The following LRCH3 variants were observed in gnomAD, a reference collection of about 807,000 sequenced individuals.
LRCH3 encodes DISP complex protein LRCH3.
Under a neutral mutation model 104.5 loss-of-function variants are expected in LRCH3, and 68 were observed. The ratio of observed to expected loss-of-function variants is 0.65; its 90% CI spans 0.54 to 0.80. LRCH3 has a LOEUF of 0.80. Among genes scored for constraint, LRCH3 ranks in the 30% least tolerant of loss-of-function variants. LRCH3 has a pLI of 0.00. For missense variants in LRCH3, 951 were observed against 953.9 expected (o/e 1.00, Z 0.04); for synonymous variants, 344 against 361.3 (o/e 0.95, Z 0.54).
At chr3:197,831,380 T>A (rs1039292939) in intron 7 of LRCH3, 2 of 152,190 alleles carry the variant, frequency 1.3e-5, no homozygotes, top group African/African-American at 4.8e-5. Context: ...AGTAAAAAAA[T>A]AAATAAAAAT....
chr3:197,862,864 C>T (rs1046080797), intron 15 of LRCH3, among the ~76,000 whole-genome samples: 1 of 152,214 alleles, frequency 6.6e-6, no homozygotes, highest in Non-Finnish European at 1.5e-5. Flanking sequence ...CACTGCCTTA[C>T]GAGCTCAGCT....
chr3:197,857,463 C>T lies in LRCH3; in HGVS notation c.1645-1371C>T, dbSNP rs533626662. Among the ~76,000 whole-genome samples the T allele has an allele frequency of 1.8e-4, 26 of 146,542 alleles. 1 individual carries two copies. Among genetic ancestry groups the T allele is most frequent in the African/African-American group, 5.6e-4 (22 of 39,490 alleles). On this transcript the variant is annotated intron_variant, in intron 14 of 20. Transcript: ENST00000425562. The stretch of plus-strand genomic sequence containing the variant: ...TAATATCAGTTTACACTGACATTGT[C>T]TTCGTTCTGCCCCTCAAGCTCCTGC...
intron 14 of LRCH3, among the ~76,000 whole-genome samples, chr3:197,855,223 C>T (rs1382308273): frequency 2.6e-5 from 4 of 152,210 alleles, no homozygotes; most frequent in Admixed American, 6.5e-5. Context: ...CATCAGCTTC[C>T]GTGGTCTGTT....
At chr3:197,805,844 C>T (rs1316208254) in intron 1 of LRCH3, among the ~76,000 whole-genome samples, 1 of 152,096 alleles carries the variant, frequency 6.6e-6, no homozygotes, top group African/African-American at 2.4e-5. Context: ...AATGAAACAG[C>T]CAGGTCCCTA....
chr3:197,877,444 C>T (rs1255185021), intron 20 of LRCH3, among the ~76,000 whole-genome samples: 2 of 44,628 alleles, frequency 4.5e-5, no homozygotes, highest in Non-Finnish European at 8.3e-5. Context: ...CCCAACTCAC[C>T]GCACCCATGG....
In LRCH3 at chr3:197,809,768, TTTG is replaced by T. The variant is rs201594413; in HGVS notation, c.263-5124_263-5122del. Among the ~76,000 whole-genome samples the T allele has an allele frequency of 4.3e-4, 66 of 152,200 alleles. No homozygotes were observed. The Middle Eastern group carries it at 0.014, about 31-fold the overall frequency. Reference sequence around the variant, plus strand: ...TCTTCTTTCTTGAGACCTTCTGTTTTTTGTTGTTGTTGTTGTTGAGGCTTTCTG... The same window carrying T: ...TCTTCTTTCTTGAGACCTTCTGTTTTTTGTTGTTGTTGTTGAGGCTTTCTG... On this transcript the variant is annotated intron_variant, in intron 1 of 20. Transcript: ENST00000425562.
chr3:197,838,490 T>C (rs1645782440), intron 9 of LRCH3, among the ~76,000 whole-genome samples: 2 of 152,252 alleles, frequency 1.3e-5, no homozygotes, highest in African/African-American at 2.4e-5. Flanking sequence ...ATGTTTGATT[T>C]GTAGATATCC....
chr3:197,883,205 C>T lies in LRCH3; in HGVS notation c.2209-336C>T, dbSNP rs551524002. On this transcript the variant is annotated intron_variant, in intron 20 of 20. Coordinates refer to ENST00000425562, the MANE Select transcript of LRCH3 (RefSeq NM_001365715.1). This position sits in a 1 kb window ranked among gnomAD's most constrained non-coding sequence, Gnocchi z 4.2. Reference sequence around the variant, plus strand: ...TTTTTCACCTGCCTATTTTATAGACCTGTATTGACCTTTTATTCATCAGGG... The same window carrying T: ...TTTTTCACCTGCCTATTTTATAGACTTGTATTGACCTTTTATTCATCAGGG... 8.8e-5 allele frequency: 89 copies of T among 1,007,708 alleles called. No individual in the cohort carries two copies. Among genetic ancestry groups the T allele is most frequent in the South Asian group, 6.0e-4 (14 of 23,364 alleles). The allele number at this position is 1,007,708 out of a possible 1,614,324, so 62.4% of individuals were successfully genotyped here. A position where few individuals can be genotyped will look rare whatever the true frequency, so the allele number is the denominator to read the frequency against.
chr3:197,887,088 CTT>C lies in LRCH3; in HGVS notation c.*3427_*3428del, dbSNP rs1215207560. Reference sequence around the variant, plus strand: ...ATCAAATGCTTTGAATTTTTTTTCTCTTTTTTCAAACCCTCTGCAGAGGTAGG... The same window carrying C: ...ATCAAATGCTTTGAATTTTTTTTCTCTTTTCAAACCCTCTGCAGAGGTAGG... On this transcript the variant is annotated 3_prime_UTR_variant, in exon 21 of 21. Coordinates refer to ENST00000425562, the MANE Select transcript of LRCH3 (RefSeq NM_001365715.1). The C allele has an allele frequency of 6.6e-6, 1 of 151,864 alleles. No individual in the cohort carries two copies. The highest frequency in any genetic ancestry group is 1.5e-5 in the Non-Finnish European group (1 of 67,952). 9.4% of individuals were successfully genotyped at this position (151,864 alleles called of 1,614,324 possible).
In LRCH3 at chr3:197,810,618, A is replaced by G. The variant is rs1733016806; in HGVS notation, c.263-4290A>G. Among the ~76,000 whole-genome samples the G allele has an allele frequency of 6.6e-6, 1 of 152,164 alleles. No individual in the cohort carries two copies. Among genetic ancestry groups the G allele is most frequent in the South Asian group, 2.1e-4 (1 of 4,830 alleles). ...TATATTATCTCGGGTTTTTAGTTAT[A>G]AATTAAAATTTTACATAATTTTAGA... On this transcript the variant is annotated intron_variant, in intron 1 of 20. Coordinates refer to ENST00000425562, the MANE Select transcript of LRCH3 (RefSeq NM_001365715.1). The surrounding 1 kb of genome is among the most constrained non-coding windows in gnomAD (Gnocchi z 4.0).
chr3:197,873,463 A>C (rs1399599773), intron 19 of LRCH3, among the ~76,000 whole-genome samples: 1 of 152,126 alleles, frequency 6.6e-6, no homozygotes, highest in Non-Finnish European at 1.5e-5. Context: ...CGTGTGGTTC[A>C]CACTTGTGAG....
intron 1 of LRCH3, 80 bp downstream of exon 1, chr3:197,791,620 G>T: frequency 6.9e-7 from 1 of 1,438,906 alleles, no homozygotes; most frequent in East Asian, 2.8e-5. Context: ...CGGATGCGGG[G>T]GAGTTACAGC....
At chr3:197,836,339 C>T (rs188133353) in intron 9 of LRCH3, among the ~76,000 whole-genome samples, 9 of 152,330 alleles carry the variant, frequency 5.9e-5, no homozygotes, top group Admixed American at 2.6e-4. Flanking sequence ...TTGGGTATCT[C>T]TTAAGTGGAG....
chr3:197,812,220 G>A (rs963860291), intron 1 of LRCH3, among the ~76,000 whole-genome samples: 2 of 151,966 alleles, frequency 1.3e-5, no homozygotes, highest in Non-Finnish European at 2.9e-5. Flanking sequence ...TGTCTTTTAT[G>A]AATTTGGCTG....
intron 13 of LRCH3, among the ~76,000 whole-genome samples, chr3:197,853,601 C>T (rs186839178): frequency 5.9e-5 from 9 of 152,164 alleles, no homozygotes; most frequent in African/African-American, 1.2e-4. Flanking sequence ...AAACCTAACA[C>T]GTGGGGCTTT....
rs370308555 is a variant in LRCH3 at position 197,868,480 on chromosome 3, CTG to C, written c.1874-1676_1874-1675del. On this transcript the variant is annotated intron_variant, in intron 17 of 20. Transcript: ENST00000425562. ...ATTTCCCCTGGATACTGACGGATGACTGTGTACCCTATGACCAGCAGTTTTAC... is the reference window on the plus strand; with the variant it reads ...ATTTCCCCTGGATACTGACGGATGACTGTACCCTATGACCAGCAGTTTTAC... 8.8e-4 allele frequency among the ~76,000 whole-genome samples: 134 copies of C among 152,322 alleles called. 1 individual carries two copies. Among genetic ancestry groups the C allele is most frequent in the Non-Finnish European group, 1.4e-3 (92 of 68,030 alleles).
intron 20 of LRCH3, among the ~76,000 whole-genome samples, chr3:197,879,984 CA>C (rs1713497746): frequency 6.7e-6 from 1 of 148,856 alleles, no homozygotes; most frequent in African/African-American, 2.5e-5. Flanking sequence ...CTCGCTCTGT[CA>C]CCCAGGCTGG....
At chr3:197,850,259 T>C (rs970203920) in intron 12 of LRCH3, 36 of 577,594 alleles carry the variant, frequency 6.2e-5, no homozygotes, top group Admixed American at 2.3e-4. Context: ...TTAAAACTTA[T>C]TGAATGCTTA....
chr3:197,826,881 T>C lies in LRCH3; in HGVS notation c.644T>C (p.Leu215Pro). The C allele has an allele frequency of 6.2e-7, 1 of 1,614,166 alleles. No homozygotes were observed. Among genetic ancestry groups the C allele is most frequent in the Non-Finnish European group, 8.5e-7 (1 of 1,180,010 alleles). The change falls in exon 5 of 21, where the codon CTG (leucine) becomes CCG (proline). Residue 215 changes from leucine (L) to proline (P), a missense_variant. By Grantham distance (98) the Leu-to-Pro change is moderately conservative. Coordinates refer to ENST00000425562, the MANE Select transcript of LRCH3 (RefSeq NM_001365715.1). ...TTTCCATTTTACCTTCTTGCAGAGC[T>C]GGCGGAGTTGCCTTTGATACGGTTA... ...RNHLVHLPEE[L>P]AELPLIRLDF...
Sources: gnomAD v4.1 joint callset for allele counts (sites outside exome capture counted in the v4.1 genomes callset) on GRCh38, gnomAD v4.1.1 for gene constraint, Gnocchi (gnomAD v3.1) non-coding constraint, MANE v1.5 for transcripts, NCBI Gene and HGNC (gene_info 2026-07-23, HGNC 2026-07-21) for gene names.